CREB5: variants seen among roughly 807,000 people sequenced by gnomAD.
CREB5 encodes the protein cyclic AMP-responsive element-binding protein 5.
A neutral mutation model predicts 57.1 loss-of-function variants in CREB5; 19 were observed. That is an observed-to-expected ratio of 0.33 (90% CI 0.23 to 0.49). The LOEUF is 0.49. Ranked by LOEUF, CREB5 falls within the 20% of genes least tolerant of loss-of-function variation. The probability of loss-of-function intolerance (pLI) is 0.99; values close to 1 mark genes in which losing one functional copy is unlikely to be tolerated. For synonymous variants in CREB5, 238 were observed against 238.3 expected (o/e 1.00, Z 0.01); for missense variants, 579 against 671.6 (o/e 0.86, Z 1.52).
intron 7 of CREB5, among the ~76,000 whole-genome samples, chr7:28,774,853 C>G (rs1806531077): frequency 6.6e-6 from 1 of 152,200 alleles, no homozygotes. Flanking sequence ...AGTCCTCAAA[C>G]AGACTTCAGC....
intron 1 of CREB5, among the ~76,000 whole-genome samples, chr7:28,448,329 ATTAG>A (rs1369952707): frequency 6.6e-6 from 1 of 152,146 alleles, no homozygotes; most frequent in Non-Finnish European, 1.5e-5. Flanking sequence ...TATCTATCCT[ATTAG>A]TTCTGTCCCT....
chr7:28,544,604 A>T (rs1423252356), intron 4 of CREB5, among the ~76,000 whole-genome samples: 1 of 152,212 alleles, frequency 6.6e-6, no homozygotes, highest in Admixed American at 6.5e-5. Context: ...ATATTTTCTT[A>T]GAAAAACAAA....
intron 7 of CREB5, among the ~76,000 whole-genome samples, chr7:28,760,983 G>A (rs181006062): frequency 3.6e-4 from 55 of 152,246 alleles, no homozygotes; most frequent in African/African-American, 1.2e-3. Context: ...TGCACAAAGC[G>A]TAGCACATAT....
chr7:28,601,699 T>A (rs1049386836), intron 5 of CREB5, among the ~76,000 whole-genome samples: 12 of 152,192 alleles, frequency 7.9e-5, no homozygotes, highest in Non-Finnish European at 1.3e-4. Flanking sequence ...TTGAAACTTC[T>A]GGTTGCACTG....
chr7:28,498,174 G>T (rs1792129545), intron 3 of CREB5, among the ~76,000 whole-genome samples: 1 of 151,996 alleles, frequency 6.6e-6, no homozygotes, highest in Non-Finnish European at 1.5e-5. Context: ...ATATTTTGTG[G>T]CCTATCATGA....
At chr7:28,763,350 G>C (rs937030130) in intron 7 of CREB5, among the ~76,000 whole-genome samples, 2 of 152,144 alleles carry the variant, frequency 1.3e-5, no homozygotes, top group African/African-American at 2.4e-5. Flanking sequence ...ATTTCAAAGA[G>C]AGTCCTCCTT....
At position 28,437,881 on chromosome 7, in the gene CREB5, C is replaced by T. The variant is rs374249678; in HGVS notation, c.3+24964C>T. Among the ~76,000 whole-genome samples the T allele has an allele frequency of 7.0e-4, 106 of 152,198 alleles. 1 individual carries two copies. The South Asian group carries it at 0.022, about 31-fold the overall frequency. Reference sequence around the variant, plus strand: ...TTGGAATTATAGTTCTAAATCTGTTCTGGAACAGAAAAGACGATGGAGACA... The same window carrying T: ...TTGGAATTATAGTTCTAAATCTGTTTTGGAACAGAAAAGACGATGGAGACA... On this transcript the variant is annotated intron_variant, in intron 1 of 10. Coordinates refer to ENST00000357727, the MANE Select transcript of CREB5 (RefSeq NM_182898.4).
intron 1 of CREB5, among the ~76,000 whole-genome samples, chr7:28,400,578 G>C (rs895113840): frequency 2.0e-5 from 3 of 152,318 alleles, no homozygotes; most frequent in African/African-American, 4.8e-5. Flanking sequence ...AAACCAGGAA[G>C]GGGGAGGAGA....
chr7:28,699,031 G>T (rs901655170), intron 5 of CREB5, among the ~76,000 whole-genome samples: 1 of 152,206 alleles, frequency 6.6e-6, no homozygotes, highest in Non-Finnish European at 1.5e-5. Context: ...ATAAGGGAGG[G>T]AGAGGGACTG....
At position 28,622,259 on chromosome 7, in the gene CREB5, T is replaced by TCACACACACA. The variant is rs4000593; in HGVS notation, c.464+51748_464+51757dup. On this transcript the variant is annotated intron_variant, in intron 5 of 10. Coordinates refer to ENST00000357727, the MANE Select transcript of CREB5 (RefSeq NM_182898.4). The stretch of plus-strand genomic sequence containing the variant: ...TACACACATTCTCTCTCTCTCTCTC[T>TCACACACACA]CACACACACACACACACACACACAC... 9.1e-5 allele frequency among the ~76,000 whole-genome samples: 13 copies of TCACACACACA among 142,900 alleles called. 1 individual carries two copies. Among genetic ancestry groups the TCACACACACA allele is most frequent in the South Asian group, 6.8e-4 (3 of 4,384 alleles). 93.7% of individuals were successfully genotyped at this position (142,900 alleles called of 152,430 possible).
intron 5 of CREB5, among the ~76,000 whole-genome samples, chr7:28,712,480 C>A (rs1332459736): frequency 6.6e-5 from 7 of 106,596 alleles, no homozygotes; most frequent in Non-Finnish European, 1.2e-4. Context: ...TGCACTCTAG[C>A]CTAGGCAACA....
chr7:28,666,572 C>T (rs1799833300), intron 5 of CREB5, among the ~76,000 whole-genome samples: 1 of 151,964 alleles, frequency 6.6e-6, no homozygotes, highest in African/African-American at 2.4e-5. Flanking sequence ...AAATAAACGC[C>T]ATGGACCAGA....
chr7:28,809,354 C>G lies in CREB5; in HGVS notation c.1194C>G (p.Val398=), dbSNP rs1417915324. 6.2e-7 allele frequency: 1 copy of G among 1,614,134 alleles called. No homozygotes were observed. The highest frequency in any genetic ancestry group is 8.5e-7 in the Non-Finnish European group (1 of 1,180,016). The change falls in exon 9 of 11, where the codon GTC becomes GTG. Residue 398 remains valine (V), a synonymous_variant. Transcript: ENST00000357727. ...AATRCRQKRK[V]WVMSLEKKAE... ...CCCGCTGCAGACAGAAGAGGAAGGTCTGGGTGATGTCATTGGAAAAGAAAG... is the reference window on the plus strand; with the variant it reads ...CCCGCTGCAGACAGAAGAGGAAGGTGTGGGTGATGTCATTGGAAAAGAAAG...
intron 3 of CREB5, among the ~76,000 whole-genome samples, chr7:28,500,177 C>T (rs971303695): frequency 6.6e-6 from 1 of 152,110 alleles, no homozygotes; most frequent in Non-Finnish European, 1.5e-5. Context: ...TAAATAACAA[C>T]AAAAAACCCA....
At chr7:28,781,957 A>T (rs1246022238) in intron 7 of CREB5, among the ~76,000 whole-genome samples, 1 of 151,020 alleles carries the variant, frequency 6.6e-6, no homozygotes, top group African/African-American at 2.4e-5. Flanking sequence ...TTGAGACAGG[A>T]ATCTCACTGT....
At position 28,682,769 on chromosome 7, in the gene CREB5, C is replaced by T. The variant is rs142116304; in HGVS notation, c.465-35984C>T. 5.9e-4 allele frequency among the ~76,000 whole-genome samples: 90 copies of T among 151,952 alleles called. 1 individual carries two copies. Among genetic ancestry groups the T allele is most frequent in the African/African-American group, 2.0e-3 (84 of 41,386 alleles). On this transcript the variant is annotated intron_variant, in intron 5 of 10. Transcript: ENST00000357727. ...ATGTTTCTCATAACGTGTTTGAGCT[C>T]AGAAATTCACCCAGGCACACAAAAG...
chr7:28,778,236 A>G (rs1248053148), intron 7 of CREB5, among the ~76,000 whole-genome samples: 1 of 152,252 alleles, frequency 6.6e-6, no homozygotes, highest in African/African-American at 2.4e-5. Flanking sequence ...TGTACTTTGT[A>G]ATTTACTATT....
At chr7:28,375,946 C>T (rs773302203) in intron 1 of CREB5, among the ~76,000 whole-genome samples, 12 of 152,178 alleles carry the variant, frequency 7.9e-5, no homozygotes, top group Non-Finnish European at 1.5e-4. Context: ...AGTTAAATAA[C>T]TTGTCTAAGG....
At chr7:28,345,440 C>A (rs1366762229) in intron 1 of CREB5, among the ~76,000 whole-genome samples, 1 of 152,270 alleles carries the variant, frequency 6.6e-6, no homozygotes, top group South Asian at 2.1e-4. Context: ...ACTGAGCTAA[C>A]AATGCCACTT....
Sources: gnomAD v4.1 joint callset for allele counts (sites outside exome capture counted in the v4.1 genomes callset) on GRCh38, gnomAD v4.1.1 for gene constraint, MANE v1.5 for transcripts, NCBI Gene and HGNC (gene_info 2026-07-23, HGNC 2026-07-21) for gene names.